INPP5D: variants seen among roughly 807,000 people sequenced by gnomAD.
INPP5D encodes phosphatidylinositol 3,4,5-trisphosphate 5-phosphatase 1.
Under a neutral mutation model 122.9 loss-of-function variants are expected in INPP5D, and 33 were observed. The observed-to-expected ratio is 0.27, with a 90% CI of 0.20 to 0.36. INPP5D has a LOEUF of 0.36. Ranked by LOEUF, INPP5D falls within the 10% of genes least tolerant of loss-of-function variation. The probability of loss-of-function intolerance (pLI) is 1.00; values close to 1 mark genes in which losing one functional copy is unlikely to be tolerated. For synonymous variants in INPP5D, 584 were observed against 576.2 expected, an observed-to-expected ratio of 1.01 and a Z score of -0.19; for missense variants, 1,053 against 1,412.7, an observed-to-expected ratio of 0.75 and a Z score of 4.08.
intron 9 of INPP5D, among the ~76,000 whole-genome samples, chr2:233,156,348 GAC>G (rs1465151982): frequency 6.6e-6 from 1 of 152,246 alleles, no homozygotes; most frequent in Non-Finnish European, 1.5e-5. Context: ...GGAGTGCAGT[GAC>G]ACGATCTTGG....
At chr2:233,169,776 T>C (rs1284243858) in intron 14 of INPP5D, 1 of 633,370 alleles carries the variant, frequency 1.6e-6, no homozygotes, top group Non-Finnish European at 2.7e-6. Flanking sequence ...GATTCTCTGC[T>C]GAGCAGATGC....
chr2:233,155,884 TTC>T, intron 9 of INPP5D, among the ~76,000 whole-genome samples: 1 of 152,214 alleles, frequency 6.6e-6, no homozygotes, highest in South Asian at 2.1e-4. Context: ...CCTAAAAATG[TTC>T]AGAGCAAAAG....
At chr2:233,116,519 C>T (rs1692800338) in intron 2 of INPP5D, among the ~76,000 whole-genome samples, 3 of 152,062 alleles carry the variant, frequency 2.0e-5, no homozygotes. Context: ...ACCTCCTGGG[C>T]TTAAGCAATC....
chr2:233,115,284 G>A (rs1291410972), intron 2 of INPP5D, among the ~76,000 whole-genome samples: 2 of 152,170 alleles, frequency 1.3e-5, no homozygotes, highest in Admixed American at 1.3e-4. Flanking sequence ...AGCACCCCGG[G>A]GCTCCTGCTC....
At position 233,130,516 on chromosome 2, in the gene INPP5D, A is replaced by T. The variant is rs758217442; in HGVS notation, c.533A>T (p.Glu178Val). The T allele has an allele frequency of 1.2e-5, 19 of 1,613,552 alleles. No individual in the cohort carries two copies. The South Asian group carries it at 2.0e-4, about 17-fold the overall frequency. ...LQSMDTSGLP[E>V]EHLKAIQDYL... is the part of the protein sequence containing the mutation. ...TTTTTTCTTTTCTTTAGGCTTCCAG[A>T]AGAGCATCTTAAGGCCATCCAAGAT... is the stretch of plus-strand genomic sequence containing the variant. Residue 178 changes from glutamate to valine, a missense_variant, in exon 5 of 27, where the codon GAA becomes GTA. Coordinates refer to ENST00000445964, the MANE Select transcript of INPP5D (RefSeq NM_001017915.3).
intron 6 of INPP5D, chr2:233,145,352 A>G: frequency 2.2e-6 from 1 of 456,134 alleles, no homozygotes; most frequent in South Asian, 1.5e-5. Flanking sequence ...TTGGCCAGAC[A>G]CTGTTCTGAG....
chr2:233,204,768 G>A (rs766912446), intron 26 of INPP5D, 51 bp downstream of exon 26: 6 of 1,449,428 alleles, frequency 4.1e-6, no homozygotes, highest in Admixed American at 5.1e-5. Context: ...GTGTGCATGC[G>A]TGAGTGCGTA....
intron 4 of INPP5D, among the ~76,000 whole-genome samples, chr2:233,127,954 C>T (rs571958972): frequency 4.6e-4 from 70 of 152,316 alleles, no homozygotes; most frequent in African/African-American, 1.5e-3. Flanking sequence ...TACAGACTCA[C>T]GGTATCAAAG....
intron 19 of INPP5D, among the ~76,000 whole-genome samples, chr2:233,182,886 A>G (rs947965136): frequency 6.6e-6 from 1 of 152,192 alleles, no homozygotes. Context: ...CTTCTGTTTA[A>G]GGCAAGCACC....
chr2:233,138,513 A>G (rs2106271890), intron 5 of INPP5D, among the ~76,000 whole-genome samples: 1 of 152,238 alleles, frequency 6.6e-6, no homozygotes, highest in South Asian at 2.1e-4. Flanking sequence ...AAATTTATTC[A>G]TCCGTATTGA....
At chr2:233,169,059 G>A (rs1351188577) in intron 13 of INPP5D, among the ~76,000 whole-genome samples, 1 of 152,152 alleles carries the variant, frequency 6.6e-6, no homozygotes, top group Non-Finnish European at 1.5e-5. Context: ...TGCCGGGGGA[G>A]GATCGCAGCA....
At chr2:233,103,386 A>G (rs1692372777) in intron 2 of INPP5D, among the ~76,000 whole-genome samples, 2 of 152,202 alleles carry the variant, frequency 1.3e-5, no homozygotes, top group Admixed American at 1.3e-4. Flanking sequence ...GTCCTGGTCT[A>G]TGTTCCTGGG....
chr2:233,202,097 A>G (rs927635473), intron 25 of INPP5D, among the ~76,000 whole-genome samples: 1 of 152,098 alleles, frequency 6.6e-6, no homozygotes, highest in Non-Finnish European at 1.5e-5. Context: ...GAGCTTTAGA[A>G]TCACAAAAGG....
intron 23 of INPP5D, among the ~76,000 whole-genome samples, chr2:233,194,720 A>G (rs1695139540): frequency 1.3e-5 from 2 of 151,542 alleles, no homozygotes; most frequent in South Asian, 4.2e-4. Flanking sequence ...CTAGTCTGGA[A>G]CTCCTGACCT....
At chr2:233,068,266 C>T (rs1432847365) in intron 1 of INPP5D, among the ~76,000 whole-genome samples, 48 of 132,430 alleles carry the variant, frequency 3.6e-4, no homozygotes, top group Admixed American at 5.7e-4. Flanking sequence ...GCCTGGGCAA[C>T]AAGAGTGAAA....
chr2:233,196,039 G>A (rs115725426), intron 24 of INPP5D, among the ~76,000 whole-genome samples: 2,206 of 152,268 alleles, frequency 0.014, 49 homozygotes, highest in African/African-American at 0.051. Context: ...TGGAAGGATT[G>A]CTTCAGCCCA....
At position 233,089,956 on chromosome 2, in the gene INPP5D, G is replaced by A. The variant is rs959197286; in HGVS notation, c.198+10558G>A. Among the ~76,000 whole-genome samples the A allele has an allele frequency of 1.0e-3, 153 of 152,300 alleles. 2 individuals are homozygous for A. The highest frequency in any genetic ancestry group is 3.7e-4 in the Non-Finnish European group (25 of 68,020). On this transcript the variant is annotated intron_variant, in intron 2 of 26. Transcript: ENST00000445964. The stretch of plus-strand genomic sequence containing the variant: ...CCTTCCAAAGAACCCTCTGAGAGGC[G>A]CCCAGTCCCTCTTCTGTGCTTCCAA...
At chr2:233,174,718 GCAGA>G (rs1299231745) in intron 17 of INPP5D, among the ~76,000 whole-genome samples, 1 of 151,042 alleles carries the variant, frequency 6.6e-6, no homozygotes, top group Non-Finnish European at 1.5e-5. Flanking sequence ...TTTGAATCCG[GCAGA>G]CAGAGGTTGC....
chr2:233,130,937 A>G (rs547445032), intron 5 of INPP5D: 1 of 567,070 alleles, frequency 1.8e-6, no homozygotes, highest in Admixed American at 2.2e-5. Context: ...GCCCTTTCTC[A>G]CTTGCACAGG....
Sources: gnomAD v4.1 joint callset for allele counts (sites outside exome capture counted in the v4.1 genomes callset) on GRCh38, gnomAD v4.1.1 for gene constraint, MANE v1.5 for transcripts, NCBI Gene and HGNC (gene_info 2026-07-23, HGNC 2026-07-21) for gene names.